Variants in PEAK1 observed in about 807,000 individuals in gnomAD.
PEAK1 encodes the protein pseudopodium enriched atypical kinase 1, also known as inactive tyrosine-protein kinase PEAK1.
PEAK1 carries 54 observed loss-of-function variants against 124.7 expected under a neutral mutation model. The observed-to-expected ratio is 0.43, with a 90% CI of 0.35 to 0.54. The LOEUF (loss-of-function observed/expected upper bound fraction) is 0.54, where lower values mean the gene tolerates loss of function less well. Among genes scored for constraint, PEAK1 ranks in the 20% least tolerant of loss-of-function variants. The pLI, the probability that PEAK1 is intolerant of heterozygous loss-of-function variation, is 0.01. For synonymous variants in PEAK1, 719 were observed against 760.0 expected, an observed-to-expected ratio of 0.95 and a Z score of 0.89; for missense variants, 2,046 against 2,134.5, an observed-to-expected ratio of 0.96 and a Z score of 0.82.
intron 1 of PEAK1, among the ~76,000 whole-genome samples, chr15:77,405,226 G>A (rs551048702): frequency 2.0e-5 from 3 of 152,046 alleles, no homozygotes; most frequent in East Asian, 3.9e-4. Context: ...GGATGGTCTC[G>A]ATCTTCTGAC....
At chr15:77,143,124 T>TG (rs2053914679) in intron 8 of PEAK1, among the ~76,000 whole-genome samples, 1 of 152,194 alleles carries the variant, frequency 6.6e-6, no homozygotes, top group African/African-American at 2.4e-5. Context: ...CCTGTGATGG[T>TG]GGGGTCTCCT....
At chr15:77,395,798 C>T (rs2070835160) in intron 1 of PEAK1, among the ~76,000 whole-genome samples, 1 of 151,964 alleles carries the variant, frequency 6.6e-6, no homozygotes, top group South Asian at 2.1e-4. Flanking sequence ...AACAACAGAC[C>T]CCTTCTATGA....
chr15:77,348,237 C>A (rs2066991878), intron 2 of PEAK1: 2 of 961,950 alleles, frequency 2.1e-6, no homozygotes, highest in Non-Finnish European at 2.5e-6. Flanking sequence ...GTACTGGAAT[C>A]CCACCTCTCA....
intron 2 of PEAK1, among the ~76,000 whole-genome samples, chr15:77,314,853 G>A (rs1279539309): frequency 3.9e-5 from 6 of 152,084 alleles, no homozygotes; most frequent in African/African-American, 1.4e-4. Flanking sequence ...AAAAAAACTT[G>A]AAAATAGTAA....
At chr15:77,380,339 A>T (rs898988125) in intron 1 of PEAK1, among the ~76,000 whole-genome samples, 1 of 152,020 alleles carries the variant, frequency 6.6e-6, no homozygotes. Flanking sequence ...AAAAACAGCA[A>T]CTCTCTGAGT....
intron 1 of PEAK1, among the ~76,000 whole-genome samples, chr15:77,407,935 ACATATATACACATATACACACATATATAC>A (rs1328462351): frequency 1.3e-5 from 1 of 76,534 alleles, no homozygotes; most frequent in Non-Finnish European, 4.1e-5. Context: ...ATATATACAC[ACATATATACACATATACACACATATATAC>A]ACATATATAC....
intron 6 of PEAK1, among the ~76,000 whole-genome samples, chr15:77,251,053 A>G (rs972909398): frequency 1.3e-5 from 2 of 152,240 alleles, no homozygotes; most frequent in African/African-American, 4.8e-5. Context: ...AAAGCAAGAA[A>G]CTAGTTTCGG....
At chr15:77,350,161 T>C in intron 2 of PEAK1, 1 of 985,404 alleles carries the variant, frequency 1.0e-6, no homozygotes. Context: ...ACAAAAGTAA[T>C]CTCTGAGTTT....
At chr15:77,291,956 G>A (rs986529472) in intron 2 of PEAK1, among the ~76,000 whole-genome samples, 9 of 144,566 alleles carry the variant, frequency 6.2e-5, no homozygotes, top group Non-Finnish European at 1.2e-4. Flanking sequence ...CAGCCTGGGC[G>A]ACGGAGCAAG....
At position 77,114,845 on chromosome 15, in the gene PEAK1, G is replaced by A. The variant is rs771571882; in HGVS notation, c.4552C>T (p.Arg1518Cys). ...KPYHVTHCDL[R>C]LENLLLVHYQ... ...TGGACAAGTAGCAGGTTCTCTAGGC[G>A]TAGATCGCAGTGAGTGACATGGTAG... The change falls in exon 10 of 10, where the codon CGC becomes TGC. Residue 1518 changes from arginine to cysteine, a missense_variant. By Grantham distance (180) the Arg-to-Cys change is radical. Transcript: ENST00000682557. 1.9e-5 allele frequency: 30 copies of A among 1,613,422 alleles called. No individual in the cohort carries two copies. The highest frequency in any genetic ancestry group is 4.4e-5 in the South Asian group (4 of 91,066).
chr15:77,376,248 C>G (rs1419247482), intron 1 of PEAK1, among the ~76,000 whole-genome samples: 1 of 151,948 alleles, frequency 6.6e-6, no homozygotes, highest in Non-Finnish European at 1.5e-5. Context: ...ATTTAACAAA[C>G]AAGTTAATGA....
At chr15:77,347,217 A>G (rs909948191) in intron 2 of PEAK1, 2 of 983,716 alleles carry the variant, frequency 2.0e-6, no homozygotes, top group East Asian at 1.1e-4. Flanking sequence ...TCAAAGTGCC[A>G]CGGCCATTTC....
At chr15:77,403,633 G>A (rs937595537) in intron 1 of PEAK1, 1 of 896,244 alleles carries the variant, frequency 1.1e-6, no homozygotes, top group Non-Finnish European at 1.3e-6. Flanking sequence ...AAGTTCTGGG[G>A]ACATGAAGAT....
intron 1 of PEAK1, chr15:77,403,947 T>C (rs958672796): frequency 1.6e-5 from 16 of 969,732 alleles, no homozygotes; most frequent in Non-Finnish European, 2.0e-5. Context: ...TACAAGTTTG[T>C]TGCATGGGTA....
At chr15:77,384,323 A>T (rs571483630) in intron 1 of PEAK1, among the ~76,000 whole-genome samples, 36 of 152,308 alleles carry the variant, frequency 2.4e-4, no homozygotes, top group African/African-American at 8.4e-4. Context: ...TTCCAAATGC[A>T]ATCAGGTTTT....
intron 6 of PEAK1, among the ~76,000 whole-genome samples, chr15:77,239,433 T>C (rs180845271): frequency 2.6e-5 from 4 of 152,340 alleles, no homozygotes; most frequent in East Asian, 1.9e-4. Flanking sequence ...CTAAATTATA[T>C]GACTTTAGGC....
chr15:77,174,803 A>C (rs1341487641), intron 7 of PEAK1, among the ~76,000 whole-genome samples: 4 of 152,184 alleles, frequency 2.6e-5, no homozygotes, highest in Non-Finnish European at 5.9e-5. Context: ...AGTCAATCCT[A>C]AGCCAAAAGA....
At chr15:77,345,929 T>C in intron 2 of PEAK1, 2 of 985,008 alleles carry the variant, frequency 2.0e-6, no homozygotes, top group Non-Finnish European at 2.4e-6. Flanking sequence ...CACATACATA[T>C]TAATTATAGC....
chr15:77,237,014 C>G (rs2060154593), intron 6 of PEAK1, among the ~76,000 whole-genome samples: 1 of 152,168 alleles, frequency 6.6e-6, no homozygotes, highest in Non-Finnish European at 1.5e-5. Flanking sequence ...AATTAAATCT[C>G]TTTCCTTTAT....
Sources: gnomAD v4.1 joint callset for allele counts (sites outside exome capture counted in the v4.1 genomes callset) on GRCh38, gnomAD v4.1.1 for gene constraint, MANE v1.5 for transcripts, NCBI Gene and HGNC (gene_info 2026-07-23, HGNC 2026-07-21) for gene names.